HERC5: variants seen among roughly 807,000 people sequenced by gnomAD.
The protein encoded by HERC5 is E3 ISG15--protein ligase HERC5.
Under a neutral mutation model 119.6 loss-of-function variants are expected in HERC5, and 99 were observed. The observed-to-expected ratio is 0.83, with a 90% CI of 0.70 to 0.98. The LOEUF is 0.98. Among genes scored for constraint, HERC5 ranks in the 50% least tolerant of loss-of-function variants. HERC5 has a pLI of 0.00. For missense variants in HERC5, 1,267 were observed against 1,241.3 expected, an observed-to-expected ratio of 1.02 and a Z score of -0.31; for synonymous variants, 478 against 445.9, an observed-to-expected ratio of 1.07 and a Z score of -0.91.
intron 12 of HERC5, among the ~76,000 whole-genome samples, chr4:88,477,163 C>CT (rs1307211941): frequency 9.5e-5 from 12 of 126,238 alleles, no homozygotes; most frequent in African/African-American, 3.7e-4. Context: ...TATAATCAGT[C>CT]AATAGATAGA....
In HERC5 at chr4:88,462,230, C is replaced by T; in HGVS notation, c.562C>T (p.Leu188Phe). The T allele has an allele frequency of 1.2e-6, 2 of 1,614,188 alleles. No homozygotes were observed. Among genetic ancestry groups the T allele is most frequent in the Non-Finnish European group, 1.7e-6 (2 of 1,180,036 alleles). ...CACCACACCACAGATTGTGGAGCACCTCGCAGGAGTACCCTTGGCTCAGAT... is the reference window on the plus strand; with the variant it reads ...CACCACACCACAGATTGTGGAGCACTTCGCAGGAGTACCCTTGGCTCAGAT... ...STTTPQIVEH[L>F]AGVPLAQISA... Residue 188 changes from leucine (L) to phenylalanine (F), a missense_variant, in exon 4 of 23, where the codon CTC (leucine) becomes TTC (phenylalanine). Physicochemically the swap from Leu to Phe is conservative, Grantham distance 22. Transcript: ENST00000264350.
At chr4:88,472,616 T>C in intron 11 of HERC5, 114 bp downstream of exon 11, 3 of 726,666 alleles carry the variant, frequency 4.1e-6, no homozygotes, top group Non-Finnish European at 7.3e-6. Context: ...CCTTGTAGCA[T>C]ATTCAGATTA....
At chr4:88,503,761 G>T (rs536917733) in intron 20 of HERC5, among the ~76,000 whole-genome samples, 1 of 152,020 alleles carries the variant, frequency 6.6e-6, no homozygotes, top group African/African-American at 2.4e-5. Flanking sequence ...GCATATGATG[G>T]AGTTGTTATA....
intron 13 of HERC5, among the ~76,000 whole-genome samples, chr4:88,479,992 G>A (rs373212378): frequency 5.3e-5 from 8 of 151,714 alleles, no homozygotes; most frequent in Middle Eastern, 3.4e-3. Flanking sequence ...GCGTGAACCC[G>A]GGAGGCGGAG....
chr4:88,485,590 C>G (rs1741428739), intron 13 of HERC5, among the ~76,000 whole-genome samples: 1 of 152,204 alleles, frequency 6.6e-6, no homozygotes. Flanking sequence ...CTAACAGTCA[C>G]TAATGTCTGA....
intron 16 of HERC5, among the ~76,000 whole-genome samples, chr4:88,491,121 G>C (rs1385763806): frequency 6.6e-6 from 1 of 152,138 alleles, no homozygotes; most frequent in Non-Finnish European, 1.5e-5. Flanking sequence ...GGTTTTATGA[G>C]GTTGGGCAGC....
At chr4:88,500,430 C>A (rs558504072) in intron 19 of HERC5, among the ~76,000 whole-genome samples, 29 of 152,340 alleles carry the variant, frequency 1.9e-4, no homozygotes, top group African/African-American at 6.7e-4. Flanking sequence ...AGAGAGGAAG[C>A]GATAGCAAGC....
At chr4:88,465,588 C>G (rs1228105504) in intron 6 of HERC5, among the ~76,000 whole-genome samples, 3 of 152,182 alleles carry the variant, frequency 2.0e-5, no homozygotes, top group Admixed American at 2.0e-4. Context: ...CCAAAGCAGT[C>G]TTATCACCTC....
intron 17 of HERC5, 96 bp downstream of exon 17, chr4:88,493,251 AG>A (rs1741702184): frequency 1.9e-6 from 2 of 1,034,442 alleles, no homozygotes; most frequent in African/African-American, 3.2e-5. Context: ...TCATGTTAGA[AG>A]AGGAGTATTG....
intron 3 of HERC5, 22 bp from the exon 4 acceptor site, chr4:88,462,113 C>T: frequency 6.3e-7 from 1 of 1,594,676 alleles, no homozygotes; most frequent in African/African-American, 1.3e-5. Flanking sequence ...AATAAAACAG[C>T]ATTTGCTTTG....
At chr4:88,490,092 T>C (rs746225726) in intron 16 of HERC5, among the ~76,000 whole-genome samples, 1 of 152,206 alleles carries the variant, frequency 6.6e-6, no homozygotes, top group African/African-American at 2.4e-5. Flanking sequence ...TGGGGTATAA[T>C]TGTAGATTTG....
In HERC5 at chr4:88,503,618, A is replaced by G. The variant is rs867975670; in HGVS notation, c.2583-614A>G. On this transcript the variant is annotated intron_variant, in intron 20 of 22. Transcript: ENST00000264350. ...TTGTCATTAGTAAATGTACTTTTCTATCCTTGTCTTGTTTGTCTGATTTTA... is the reference window on the plus strand; with the variant it reads ...TTGTCATTAGTAAATGTACTTTTCTGTCCTTGTCTTGTTTGTCTGATTTTA... 3.3e-5 allele frequency among the ~76,000 whole-genome samples: 5 copies of G among 152,112 alleles called. No homozygotes were observed. In the South Asian group the frequency reaches 8.3e-4, roughly 25 times the overall value.
chr4:88,457,540 T>G lies in HERC5; in HGVS notation c.265+6T>G, dbSNP rs1323463894. The G allele has an allele frequency of 7.9e-7, 1 of 1,260,944 alleles. No homozygotes were observed. 78.1% of individuals were successfully genotyped at this position (1,260,944 alleles called of 1,614,324 possible). On this transcript the variant is annotated splice_donor_region_variant and intron_variant, in intron 1 of 22. Transcript: ENST00000264350. ...CGGCGGCGCCCGGACGCCGAGTGAGTGGGGCTGGTGTGTGAGGGCTGTGAG... is the reference window on the plus strand; with the variant it reads ...CGGCGGCGCCCGGACGCCGAGTGAGGGGGGCTGGTGTGTGAGGGCTGTGAG...
At chr4:88,492,241 T>C (rs919352432) in intron 16 of HERC5, among the ~76,000 whole-genome samples, 2 of 151,702 alleles carry the variant, frequency 1.3e-5, no homozygotes, top group Non-Finnish European at 2.9e-5. Flanking sequence ...TGACCTCACA[T>C]GATCCGCCCA....
intron 15 of HERC5, 114 bp downstream of exon 15, chr4:88,487,293 G>A (rs1741499072): frequency 5.1e-6 from 3 of 588,108 alleles, no homozygotes; most frequent in Non-Finnish European, 9.1e-6. Context: ...CAATGGTTGT[G>A]GCATTCAAGG....
At chr4:88,494,077 A>T in intron 17 of HERC5, 88 bp from the exon 18 acceptor site, 1 of 798,206 alleles carries the variant, frequency 1.3e-6, no homozygotes, top group Non-Finnish European at 1.9e-6. Context: ...TGATTTTATG[A>T]AAGAGAAACA....
At chr4:88,487,258 TAAGAG>T (rs1741498165) in intron 15 of HERC5, 79 bp downstream of exon 15, 1 of 749,552 alleles carries the variant, frequency 1.3e-6, no homozygotes, top group South Asian at 1.8e-5. Flanking sequence ...TTGGGGGTGA[TAAGAG>T]AACCACCTAC....
chr4:88,493,899 A>G (rs1741726417), intron 17 of HERC5, among the ~76,000 whole-genome samples: 1 of 149,766 alleles, frequency 6.7e-6, no homozygotes, highest in Non-Finnish European at 1.5e-5. Context: ...CAAGCGTGAG[A>G]GTGGCAGGGA....
intron 2 of HERC5, 22 bp from the exon 3 acceptor site, chr4:88,460,073 A>G (rs1198836374): frequency 1.6e-6 from 2 of 1,285,216 alleles, no homozygotes; most frequent in South Asian, 1.2e-5. Context: ...TGATTAACAC[A>G]AAGTGTATTT....
Sources: gnomAD v4.1 joint callset for allele counts (sites outside exome capture counted in the v4.1 genomes callset) on GRCh38, gnomAD v4.1.1 for gene constraint, MANE v1.5 for transcripts, NCBI Gene and HGNC (gene_info 2026-07-23, HGNC 2026-07-21) for gene names.